COX7B2: variants seen among roughly 807,000 people sequenced by gnomAD.
COX7B2 encodes cytochrome c oxidase subunit 7B2.
For synonymous variants in COX7B2, 37 were observed against 32.1 expected (o/e 1.15, Z -0.51); for missense variants, 109 against 95.9 (o/e 1.14, Z -0.57).
chr4:46,797,984 A>G, intron 2 of COX7B2, among the ~76,000 whole-genome samples: 1 of 152,202 alleles, frequency 6.6e-6, no homozygotes, highest in East Asian at 1.9e-4. Flanking sequence ...GGCCAGCCCC[A>G]GGTCTTAAAT....
chr4:46,753,373 C>CAAT (rs1715528255), intron 2 of COX7B2, among the ~76,000 whole-genome samples: 1 of 151,794 alleles, frequency 6.6e-6, no homozygotes, highest in African/African-American at 2.4e-5. Flanking sequence ...AACCAGCACC[C>CAAT]AATGGAACAG....
chr4:46,741,110 T>C (rs555990670), intron 2 of COX7B2, among the ~76,000 whole-genome samples: 6 of 152,210 alleles, frequency 3.9e-5, no homozygotes, highest in Admixed American at 3.9e-4. Flanking sequence ...TAGCCCAACA[T>C]GGACCAACAA....
At chr4:46,816,148 A>C (rs563611343) in intron 2 of COX7B2, among the ~76,000 whole-genome samples, 1 of 152,322 alleles carries the variant, frequency 6.6e-6, no homozygotes, top group Non-Finnish European at 1.5e-5. Context: ...ACAGCCTGTA[A>C]AATTATTGTG....
intron 2 of COX7B2, among the ~76,000 whole-genome samples, chr4:46,808,319 T>C (rs1719107383): frequency 6.6e-6 from 1 of 151,788 alleles, no homozygotes; most frequent in South Asian, 2.1e-4. Context: ...TCTTTTTTAG[T>C]TAGGCTGGGT....
intron 1 of COX7B2, among the ~76,000 whole-genome samples, chr4:46,847,266 A>C (rs1047260562): frequency 3.9e-5 from 6 of 151,986 alleles, no homozygotes; most frequent in African/African-American, 1.5e-4. Flanking sequence ...GGTGAGATGT[A>C]TGTGAAGCAA....
chr4:46,901,645 T>A (rs181432461), intron 1 of COX7B2, among the ~76,000 whole-genome samples: 1 of 152,314 alleles, frequency 6.6e-6, no homozygotes, highest in East Asian at 1.9e-4. Flanking sequence ...TTTGAATCAG[T>A]AAACTGAGTA....
intron 2 of COX7B2, among the ~76,000 whole-genome samples, chr4:46,772,956 G>A (rs1489488527): frequency 1.3e-5 from 2 of 151,908 alleles, no homozygotes; most frequent in Non-Finnish European, 2.9e-5. Flanking sequence ...TAGAACATAA[G>A]ACACATAATT....
chr4:46,823,203 C>A (rs191555841), intron 2 of COX7B2, among the ~76,000 whole-genome samples: 1 of 152,074 alleles, frequency 6.6e-6, no homozygotes, highest in African/African-American at 2.4e-5. Context: ...GCCACTATTT[C>A]CAAAATTCCA....
chr4:46,856,932 T>C (rs949503284), intron 1 of COX7B2, among the ~76,000 whole-genome samples: 67 of 152,144 alleles, frequency 4.4e-4, no homozygotes, highest in African/African-American at 1.6e-3. Context: ...AATAAAATAA[T>C]TGGGCAATAG....
intron 2 of COX7B2, among the ~76,000 whole-genome samples, chr4:46,817,674 T>C (rs1366816868): frequency 6.6e-6 from 1 of 152,180 alleles, no homozygotes; most frequent in Non-Finnish European, 1.5e-5. Context: ...CATGATAAAG[T>C]GAATATAGCC....
chr4:46,781,774 T>G (rs1717466872), intron 2 of COX7B2, among the ~76,000 whole-genome samples: 1 of 152,120 alleles, frequency 6.6e-6, no homozygotes, highest in South Asian at 2.1e-4. Context: ...ACCCTTGGAG[T>G]GACCAGCTGG....
At chr4:46,875,737 C>A (rs1295970547) in intron 1 of COX7B2, among the ~76,000 whole-genome samples, 1 of 151,774 alleles carries the variant, frequency 6.6e-6, no homozygotes, top group Non-Finnish European at 1.5e-5. Flanking sequence ...TCCTTTTCAT[C>A]CCCCGTAGCC....
At chr4:46,837,241 A>G (rs73245870) in intron 2 of COX7B2, among the ~76,000 whole-genome samples, 1 of 150,898 alleles carries the variant, frequency 6.6e-6, no homozygotes, top group Non-Finnish European at 1.5e-5. Context: ...CAACAGATGA[A>G]TGGATAAAAT....
chr4:46,819,715 T>C (rs916235279), intron 2 of COX7B2, among the ~76,000 whole-genome samples: 2 of 152,228 alleles, frequency 1.3e-5, no homozygotes, highest in African/African-American at 4.8e-5. Flanking sequence ...TAAAACAGTA[T>C]ATAATTCTAC....
At chr4:46,773,776 A>T (rs1000909453) in intron 2 of COX7B2, among the ~76,000 whole-genome samples, 1 of 152,130 alleles carries the variant, frequency 6.6e-6, no homozygotes. Flanking sequence ...TAATAGACTT[A>T]ATTTCTAAAA....
intron 2 of COX7B2, among the ~76,000 whole-genome samples, chr4:46,831,853 T>C (rs556742617): frequency 6.6e-6 from 1 of 152,236 alleles, no homozygotes; most frequent in Non-Finnish European, 1.5e-5. Context: ...TTGGAGAACC[T>C]TTATGTCCAG....
At chr4:46,842,395 CTTTT>C (rs923357730) in intron 2 of COX7B2, among the ~76,000 whole-genome samples, 1 of 151,766 alleles carries the variant, frequency 6.6e-6, no homozygotes, top group African/African-American at 2.4e-5. Flanking sequence ...TGTGAGCTCA[CTTTT>C]TTTATTTTAT....
At chr4:46,739,171 G>C (rs910508648) in intron 2 of COX7B2, among the ~76,000 whole-genome samples, 1 of 152,064 alleles carries the variant, frequency 6.6e-6, no homozygotes, top group East Asian at 1.9e-4. Context: ...TGAAAAAATG[G>C]TGTGGAAGGA....
At position 46,782,519 on chromosome 4, in the gene COX7B2, C is replaced by CG. The variant is rs199554428; in HGVS notation, c.-49-47279dup. 8.2e-3 allele frequency among the ~76,000 whole-genome samples: 1,242 copies of CG among 151,984 alleles called. 19 individuals are homozygous for CG. The highest frequency in any genetic ancestry group is 0.028 in the African/African-American group (1,150 of 41,340). On this transcript the variant is annotated intron_variant, in intron 2 of 2. Transcript: ENST00000355591. ...GGGCCAATCAGCAGGATGTTGGGGG[C>CG]GGGGGTCCCATAAGAGAATAAAAGC...
Sources: allele counts gnomAD v4.1 joint callset (sites outside exome capture counted in the v4.1 genomes callset), GRCh38; gene constraint gnomAD v4.1.1; transcripts MANE v1.5; gene names NCBI Gene and HGNC (gene_info 2026-07-23, HGNC 2026-07-21).